Variants in ATR observed in about 807,000 individuals in gnomAD.
ATR encodes serine/threonine-protein kinase ATR.
In ATR, 142 loss-of-function variants were observed where a neutral mutation model predicts 305.3. The ratio of observed to expected loss-of-function variants is 0.47; its 90% CI spans 0.41 to 0.53. ATR has a LOEUF of 0.53. ATR is among the 20% of genes least tolerant of loss of function. The pLI is 0.00. For synonymous variants in ATR, 1,050 were observed against 1,068.1 expected, an observed-to-expected ratio of 0.98 and a Z score of 0.33; for missense variants, 2,135 against 3,133.1, an observed-to-expected ratio of 0.68 and a Z score of 7.60.
intron 21 of ATR, among the ~76,000 whole-genome samples, chr3:142,525,374 T>G (rs1034750031): frequency 1.3e-5 from 2 of 152,126 alleles, no homozygotes; most frequent in Non-Finnish European, 2.9e-5. Flanking sequence ...TTACTAGCTA[T>G]TTTTTACATG....
chr3:142,473,714 T>A (rs2071357766), intron 36 of ATR, among the ~76,000 whole-genome samples: 1 of 151,682 alleles, frequency 6.6e-6, no homozygotes, highest in Non-Finnish European at 1.5e-5. Context: ...CCCAGCTAAT[T>A]TTCTGTATTT....
In ATR at chr3:142,553,457, CAT is replaced by C. The variant is rs1553770069; in HGVS notation, c.2634-61_2634-60del. 3,846 of 1,476,556 alleles carry C rather than the reference CAT, an allele frequency of 2.6e-3. 41 individuals are homozygous for C. In the African/African-American group the frequency reaches 0.044, roughly 17 times the overall value. The allele number at this position is 1,476,556 out of a possible 1,614,324, so 91.5% of individuals were successfully genotyped here. A position where few individuals can be genotyped will look rare whatever the true frequency, so the allele number is the denominator to read the frequency against. On this transcript the variant is annotated intron_variant, in intron 12 of 46. Transcript: ENST00000350721. ...AAACACACACACACACACACACACA[CAT>C]ACACACACATATGTATCTCCAATAT...
At chr3:142,497,882 A>G (rs2031737752) in intron 32 of ATR, among the ~76,000 whole-genome samples, 1 of 152,148 alleles carries the variant, frequency 6.6e-6, no homozygotes, top group Non-Finnish European at 1.5e-5. Context: ...GGAAACTTTG[A>G]TACATTCACA....
chr3:142,572,666 T>TCAGGAGGCTGAGGTGGGAGGATCG (rs1254976624), intron 1 of ATR, among the ~76,000 whole-genome samples: 1 of 151,886 alleles, frequency 6.6e-6, no homozygotes, highest in Non-Finnish European at 1.5e-5. Context: ...CCCCAGCTAC[T>TCAGGAGGCTGAGGTGGGAGGATCG]CAGGAGGCTG....
At chr3:142,555,601 T>C (rs1003687518) in intron 10 of ATR, among the ~76,000 whole-genome samples, 1 of 152,180 alleles carries the variant, frequency 6.6e-6, no homozygotes, top group African/African-American at 2.4e-5. Context: ...TAATCTAATA[T>C]TGAATCTTAC....
chr3:142,481,324 C>G (rs1171270322), intron 36 of ATR, among the ~76,000 whole-genome samples: 1 of 152,124 alleles, frequency 6.6e-6, no homozygotes, highest in Admixed American at 6.5e-5. Context: ...TGGTTTTTGT[C>G]CTTCATTCTA....
intron 28 of ATR, 116 bp from the exon 29 acceptor site, chr3:142,505,419 A>T: frequency 8.2e-7 from 1 of 1,220,972 alleles, no homozygotes; most frequent in Non-Finnish European, 1.2e-6. Flanking sequence ...TTTTCCTCAA[A>T]GTAATAGTAA....
chr3:142,520,294 G>A (rs1026609543), intron 23 of ATR, among the ~76,000 whole-genome samples: 13 of 151,956 alleles, frequency 8.6e-5, no homozygotes, highest in African/African-American at 2.7e-4. Flanking sequence ...GCCAATTAAT[G>A]ACCCTACAGT....
At chr3:142,485,330 G>A (rs1055842359) in intron 35 of ATR, 48 bp from the exon 36 acceptor site, 9 of 1,598,340 alleles carry the variant, frequency 5.6e-6, no homozygotes, top group Non-Finnish European at 7.7e-6. Context: ...CCCACGCTAT[G>A]CTGGGAAGTA....
At chr3:142,512,957 C>T (rs189063192) in intron 26 of ATR, among the ~76,000 whole-genome samples, 11 of 151,926 alleles carry the variant, frequency 7.2e-5, no homozygotes, top group South Asian at 2.1e-4. Flanking sequence ...AATATGTTAA[C>T]GACTAAAGAA....
intron 38 of ATR, among the ~76,000 whole-genome samples, chr3:142,468,357 C>T (rs1461285730): frequency 3.3e-5 from 5 of 151,698 alleles, no homozygotes; most frequent in African/African-American, 9.7e-5. Flanking sequence ...ATAGAAATAA[C>T]CTTAATGATT....
rs752573428 is a variant in ATR at position 142,470,076 on chromosome 3, A to C, written c.6319+10T>G. ...CTAGTCCTTTAAAACTTTTACGTGA[A>C]GAGTTATACCTTTTTCCCATTCATA... On this transcript the variant is annotated intron_variant, in intron 37 of 46. Coordinates refer to ENST00000350721, the MANE Select transcript of ATR (RefSeq NM_001184.4). 6.3e-7 allele frequency: 1 copy of C among 1,587,636 alleles called. No individual in the cohort carries two copies. Among genetic ancestry groups the C allele is most frequent in the South Asian group, 1.1e-5 (1 of 90,232 alleles).
chr3:142,549,380 G>A (rs2034395155), intron 15 of ATR, 99 bp downstream of exon 15: 1 of 774,950 alleles, frequency 1.3e-6, no homozygotes, highest in African/African-American at 1.8e-5. Context: ...TTCTAGGATA[G>A]GCTATAATTT....
intron 36 of ATR, among the ~76,000 whole-genome samples, chr3:142,472,490 G>T: frequency 6.6e-6 from 1 of 151,784 alleles, no homozygotes; most frequent in Non-Finnish European, 1.5e-5. Flanking sequence ...ATCTCATTGT[G>T]GTTTTAATTT....
At chr3:142,468,982 T>A (rs183544741) in intron 38 of ATR, among the ~76,000 whole-genome samples, 15 of 152,138 alleles carry the variant, frequency 9.9e-5, no homozygotes, top group Non-Finnish European at 1.2e-4. Context: ...CAGAGAAAGA[T>A]CCTGTTTCTT....
chr3:142,494,622 T>C (rs1330364432), intron 34 of ATR, among the ~76,000 whole-genome samples: 1 of 152,108 alleles, frequency 6.6e-6, no homozygotes, highest in Non-Finnish European at 1.5e-5. Flanking sequence ...GCATTCTAGG[T>C]AGATGGAATA....
Position 142,550,229 on chromosome 3 carries a change from C to T in ATR, c.2879G>A (p.Arg960Gln), listed in dbSNP as rs753553510. ...TCTCTGGTGAGCCACATCTTGTTTT[C>T]GCACGTCAGCATTCTGGCATGGAGT... Reference protein sequence around the residue: ...PNTPCQNADVRKQDVAHQREM... With the variant: ...PNTPCQNADVQKQDVAHQREM... Residue 960 changes from arginine (R) to glutamine (Q), a missense_variant, in exon 14 of 47, where the codon CGA becomes CAA. Transcript: ENST00000350721. 16 of 1,614,022 alleles carry T rather than the reference C, an allele frequency of 9.9e-6. No individual in the cohort carries two copies. Among genetic ancestry groups the T allele is most frequent in the African/African-American group, 2.7e-5 (2 of 74,944 alleles).
At chr3:142,476,326 C>G (rs1185411802) in intron 36 of ATR, among the ~76,000 whole-genome samples, 2 of 152,072 alleles carry the variant, frequency 1.3e-5, no homozygotes, top group African/African-American at 4.8e-5. Context: ...AGCCAGTTTT[C>G]CCAGCATCAT....
At chr3:142,451,793 C>T (rs2070797233) in intron 46 of ATR, 19 of 1,223,294 alleles carry the variant, frequency 1.6e-5, no homozygotes, top group Non-Finnish European at 2.0e-5. Flanking sequence ...CTGGCTTTGT[C>T]CAGTTAGATA....
Sources: allele counts gnomAD v4.1 joint callset (sites outside exome capture counted in the v4.1 genomes callset), GRCh38; gene constraint gnomAD v4.1.1; transcripts MANE v1.5; gene names NCBI Gene and HGNC (gene_info 2026-07-23, HGNC 2026-07-21).